The following RGS7 variants were observed in gnomAD, a reference collection of about 807,000 sequenced individuals.
RGS7 encodes the protein regulator of G protein signaling 7.
A neutral mutation model predicts 81.1 loss-of-function variants in RGS7; 27 were observed. The ratio of observed to expected loss-of-function variants is 0.33; its 90% CI spans 0.25 to 0.46. RGS7 has a LOEUF of 0.46. RGS7 is among the 20% of genes least tolerant of loss of function. The pLI, the probability that RGS7 is intolerant of heterozygous loss-of-function variation, is 1.00. For synonymous variants in RGS7, 208 were observed against 207.7 expected, an observed-to-expected ratio of 1.00 and a Z score of -0.01; for missense variants, 396 against 607.4, an observed-to-expected ratio of 0.65 and a Z score of 3.66.
At chr1:241,250,580 T>C (rs2076781897) in intron 2 of RGS7, among the ~76,000 whole-genome samples, 1 of 152,196 alleles carries the variant, frequency 6.6e-6, no homozygotes, top group African/African-American at 2.4e-5. Flanking sequence ...AGGCCATGCC[T>C]TTCTCTCTTA....
intron 2 of RGS7, among the ~76,000 whole-genome samples, chr1:241,259,723 T>C (rs76020743): frequency 0.026 from 3,731 of 145,396 alleles, 179 homozygotes; most frequent in African/African-American, 0.089. Flanking sequence ...ACAATATGTT[T>C]TGATGCTCAA....
chr1:240,910,177 C>T (rs541740408), intron 6 of RGS7, among the ~76,000 whole-genome samples: 53 of 152,102 alleles, frequency 3.5e-4, no homozygotes, highest in Non-Finnish European at 6.6e-4. Context: ...GCATGATATA[C>T]TGTCATCAAG....
At chr1:240,902,215 T>C (rs1670126822) in intron 6 of RGS7, among the ~76,000 whole-genome samples, 1 of 152,222 alleles carries the variant, frequency 6.6e-6, no homozygotes, top group African/African-American at 2.4e-5. Flanking sequence ...TAGAAAAATA[T>C]GTTTTTGTAA....
chr1:240,862,149 AT>A (rs576168912), intron 9 of RGS7, among the ~76,000 whole-genome samples: 3 of 151,194 alleles, frequency 2.0e-5, no homozygotes, highest in South Asian at 2.1e-4. Context: ...TATGACCTTA[AT>A]TTTTTTTTCT....
chr1:240,992,182 C>A (rs1686549803), intron 3 of RGS7, among the ~76,000 whole-genome samples: 2 of 152,118 alleles, frequency 1.3e-5, no homozygotes, highest in South Asian at 2.1e-4. Context: ...TAAAGATTGA[C>A]AAAATGAATG....
In RGS7 at chr1:240,775,821, C is replaced by A; in HGVS notation, c.*399G>T. ...CTTTTACAGTTCTTCCAGTTTTTGA[C>A]TGACTGAATTTTCAGTGAACTGTGT... is the stretch of plus-strand genomic sequence containing the variant. On this transcript the variant is annotated 3_prime_UTR_variant, in exon 19 of 19. Coordinates refer to ENST00000440928, the MANE Select transcript of RGS7 (RefSeq NM_001364886.1). 3.8e-6 allele frequency: 1 copy of A among 262,214 alleles called. No individual in the cohort carries two copies. Among genetic ancestry groups the A allele is most frequent in the South Asian group, 5.7e-5 (1 of 17,676 alleles). The allele number at this position is 262,214 out of a possible 1,614,324, so 16.2% of individuals were successfully genotyped here. A position where few individuals can be genotyped will look rare whatever the true frequency, so the allele number is the denominator to read the frequency against.
At chr1:241,247,209 A>G (rs1307512950) in intron 2 of RGS7, among the ~76,000 whole-genome samples, 1 of 152,188 alleles carries the variant, frequency 6.6e-6, no homozygotes, top group African/African-American at 2.4e-5. Context: ...TTTACAAACG[A>G]AAGAATAAGG....
At chr1:241,134,859 C>A (rs1572841935) in intron 2 of RGS7, among the ~76,000 whole-genome samples, 1 of 152,222 alleles carries the variant, frequency 6.6e-6, no homozygotes, top group African/African-American at 2.4e-5. Flanking sequence ...AGGCGCAAGG[C>A]CACTTACAGT....
At position 240,983,091 on chromosome 1, in the gene RGS7, T is replaced by C. The variant is rs764068135; in HGVS notation, c.214A>G (p.Ile72Val). Residue 72 changes from isoleucine (I) to valine (V), a missense_variant, in exon 4 of 19, where the codon ATA becomes GTA. Ile to Val is a conservative substitution (Grantham distance 29). Transcript: ENST00000440928. ...ATGATTTATTTACCTGGATCTTCTA[T>C]AGTTAAGTTCTTTATCAACCATTGA... ...IVQWLIKNLTIEDPVEALHLG... is the reference protein window; with the variant it reads ...IVQWLIKNLTVEDPVEALHLG... The C allele has an allele frequency of 3.9e-6, 6 of 1,544,134 alleles. No individual in the cohort carries two copies. The South Asian group carries it at 5.6e-5, about 15-fold the overall frequency.
chr1:240,831,132 T>G (rs933604041), intron 9 of RGS7, among the ~76,000 whole-genome samples: 2 of 152,170 alleles, frequency 1.3e-5, no homozygotes, highest in Admixed American at 6.5e-5. Flanking sequence ...CAAAGTTTGT[T>G]ACTAATGACT....
In RGS7 at chr1:241,144,965, T is replaced by TGTGTGTGTGTGTGTGTGTGTG. The variant is rs1558125889; in HGVS notation, c.79-46204_79-46203insCACACACACACACACACACAC. ...TGTGTGTGTGTGTGTGTGTGTGTGT[T>TGTGTGTGTGTGTGTGTGTGTG]CGTGTTCATTCTTCCTGTTCCTGTT... On this transcript the variant is annotated intron_variant, in intron 2 of 18. Transcript: ENST00000440928. This position sits in a 1 kb window ranked among gnomAD's most constrained non-coding sequence, Gnocchi z 4.7. Among the ~76,000 whole-genome samples, 1 of 124,952 alleles carries TGTGTGTGTGTGTGTGTGTGTG rather than the reference T, an allele frequency of 8.0e-6. No homozygotes were observed. The highest frequency in any genetic ancestry group is 4.0e-5 in the African/African-American group (1 of 24,830). The allele number at this position is 124,952 out of a possible 152,430, so 82.0% of individuals were successfully genotyped here. A position where few individuals can be genotyped will look rare whatever the true frequency, so the allele number is the denominator to read the frequency against.
In RGS7 at chr1:241,262,647, G is replaced by C. The variant is rs915000651; in HGVS notation, c.78+93052C>G. Among the ~76,000 whole-genome samples, 34 of 152,032 alleles carry C rather than the reference G, an allele frequency of 2.2e-4. 2 individuals carry two copies. Among genetic ancestry groups the C allele is most frequent in the Admixed American group, 6.6e-5 (1 of 15,262 alleles). ...TTCGTAGCAACATAATTATAAAATC[G>C]CAGAGTTTAAAATTTTGTGAAGACT... On this transcript the variant is annotated intron_variant, in intron 2 of 18. Transcript: ENST00000440928.
intron 2 of RGS7, among the ~76,000 whole-genome samples, chr1:241,285,905 A>G (rs2078781127): frequency 6.6e-6 from 1 of 152,198 alleles, no homozygotes; most frequent in Non-Finnish European, 1.5e-5. Flanking sequence ...CAGGGTTATA[A>G]GCATAAAAAT....
intron 3 of RGS7, among the ~76,000 whole-genome samples, chr1:241,072,704 G>A (rs746357049): frequency 6.6e-6 from 1 of 152,110 alleles, no homozygotes. Context: ...TTTTCTCCAG[G>A]TGTGTGTATT....
intron 4 of RGS7, among the ~76,000 whole-genome samples, chr1:240,940,202 G>A (rs896100531): frequency 1.3e-5 from 2 of 152,120 alleles, no homozygotes; most frequent in Non-Finnish European, 2.9e-5. Context: ...CCTTCAGCCA[G>A]ATTTTCTTTG....
chr1:240,840,595 A>C lies in RGS7; in HGVS notation c.610-13423T>G, dbSNP rs368590144. On this transcript the variant is annotated intron_variant, in intron 9 of 18. Transcript: ENST00000440928. Reference sequence around the variant, plus strand: ...GCCTCACTGGCCTTCTTTGTGTACCAGGCCCTTTTCTCTGTACTAGATGCT... The same window carrying C: ...GCCTCACTGGCCTTCTTTGTGTACCCGGCCCTTTTCTCTGTACTAGATGCT... Among the ~76,000 whole-genome samples the C allele has an allele frequency of 8.5e-5, 13 of 152,308 alleles. No individual in the cohort carries two copies. In the South Asian group the frequency reaches 1.2e-3, roughly 15 times the overall value.
intron 3 of RGS7, among the ~76,000 whole-genome samples, chr1:241,049,259 C>T (rs1426832725): frequency 2.6e-5 from 4 of 152,130 alleles, no homozygotes; most frequent in Non-Finnish European, 4.4e-5. Context: ...TTAGTGCAAA[C>T]CTGGTTTTGG....
intron 18 of RGS7, among the ~76,000 whole-genome samples, chr1:240,795,862 T>C (rs1188962912): frequency 6.6e-6 from 1 of 152,200 alleles, no homozygotes; most frequent in Non-Finnish European, 1.5e-5. Flanking sequence ...AAAATGCTAA[T>C]TGGAGCTGTG....
At chr1:241,084,021 A>G (rs1204466420) in intron 3 of RGS7, among the ~76,000 whole-genome samples, 1 of 152,232 alleles carries the variant, frequency 6.6e-6, no homozygotes, top group Admixed American at 6.5e-5. Flanking sequence ...CTCCAAATAT[A>G]ATAAGCAGGC....
Sources: allele counts gnomAD v4.1 joint callset (sites outside exome capture counted in the v4.1 genomes callset), GRCh38; gene constraint gnomAD v4.1.1; non-coding constraint Gnocchi (gnomAD v3.1); transcripts MANE v1.5; gene names NCBI Gene and HGNC (gene_info 2026-07-23, HGNC 2026-07-21).